Variants in NCALD observed in about 807,000 individuals in gnomAD.
NCALD encodes neurocalcin-delta.
Under a neutral mutation model 18.6 loss-of-function variants are expected in NCALD, and 10 were observed. That is an observed-to-expected ratio of 0.54 (90% confidence interval 0.33 to 0.91). The LOEUF (loss-of-function observed/expected upper bound fraction) is 0.91, where lower values mean the gene tolerates loss of function less well. NCALD is among the 40% of genes least tolerant of loss of function. The pLI, the probability that NCALD is intolerant of heterozygous loss-of-function variation, is 0.03. For synonymous variants in NCALD, 88 were observed against 87.4 expected, an observed-to-expected ratio of 1.01 and a Z score of -0.04; for missense variants, 184 against 247.6, an observed-to-expected ratio of 0.74 and a Z score of 1.72.
chr8:101,751,186 A>T (rs1224593468), intron 1 of NCALD, among the ~76,000 whole-genome samples: 1 of 152,232 alleles, frequency 6.6e-6, no homozygotes, highest in Admixed American at 6.5e-5. Context: ...GACACATGCT[A>T]CAACATGGGT....
At chr8:102,010,583 G>A (rs1480975289) in intron 2 of NCALD, among the ~76,000 whole-genome samples, 1 of 152,194 alleles carries the variant, frequency 6.6e-6, no homozygotes, top group Non-Finnish European at 1.5e-5. Flanking sequence ...GGATCAGAAA[G>A]AAGTTTAAGC....
At chr8:102,100,157 C>T (rs183692289) in intron 1 of NCALD, among the ~76,000 whole-genome samples, 29 of 152,164 alleles carry the variant, frequency 1.9e-4, no homozygotes, top group Middle Eastern at 3.4e-3. Context: ...TCATATTCCT[C>T]ATTTATCAAC....
chr8:101,751,116 T>C (rs369934708), intron 1 of NCALD, among the ~76,000 whole-genome samples: 13 of 152,248 alleles, frequency 8.5e-5, no homozygotes, highest in East Asian at 5.8e-4. Flanking sequence ...GATGAATGGA[T>C]AAACAAATGC....
chr8:102,026,712 C>T (rs1035127704), intron 1 of NCALD, among the ~76,000 whole-genome samples: 2 of 152,200 alleles, frequency 1.3e-5, no homozygotes, highest in Admixed American at 1.3e-4. Flanking sequence ...TCTCTTCTCA[C>T]AGCTCCACTA....
chr8:101,962,251 T>G (rs1489773661), intron 2 of NCALD, among the ~76,000 whole-genome samples: 1 of 152,192 alleles, frequency 6.6e-6, no homozygotes, highest in African/African-American at 2.4e-5. Flanking sequence ...GACAAAGCTG[T>G]GTCATGGCAC....
At chr8:101,770,736 C>T (rs1811550111) in intron 1 of NCALD, among the ~76,000 whole-genome samples, 1 of 152,106 alleles carries the variant, frequency 6.6e-6, no homozygotes, top group Non-Finnish European at 1.5e-5. Context: ...GTCAAGATTT[C>T]CCAAAAGTCA....
chr8:101,989,063 A>G (rs768513069), intron 2 of NCALD, among the ~76,000 whole-genome samples: 2 of 152,192 alleles, frequency 1.3e-5, no homozygotes, highest in Admixed American at 6.5e-5. Context: ...GAGAAACAAT[A>G]AAGATCAAAA....
rs141424710 is a variant in NCALD, at chr8:101,841,085, G to A, written c.-20+46056C>T. On this transcript the variant is annotated intron_variant, in intron 4 of 6. Transcript: ENST00000311028. Reference sequence around the variant, plus strand: ...TATTTATATGTCAGACTGCAGTCTTGGAGGATCTAAATAGGCATATTCAAA... The same window carrying A: ...TATTTATATGTCAGACTGCAGTCTTAGAGGATCTAAATAGGCATATTCAAA... 4.4e-3 allele frequency among the ~76,000 whole-genome samples: 664 copies of A among 152,236 alleles called. 7 individuals are homozygous for A. The highest frequency in any genetic ancestry group is 0.015 in the African/African-American group (631 of 41,548).
chr8:102,018,024 G>T (rs1822147697), intron 2 of NCALD, among the ~76,000 whole-genome samples: 1 of 152,150 alleles, frequency 6.6e-6, no homozygotes, highest in Admixed American at 6.5e-5. Context: ...GAAAATTAAA[G>T]CTACGATGAG....
At chr8:102,050,792 T>A (rs531256062) in intron 1 of NCALD, among the ~76,000 whole-genome samples, 4 of 145,680 alleles carry the variant, frequency 2.7e-5, no homozygotes, top group African/African-American at 4.9e-5. Context: ...AATTAACTAA[T>A]TTTTAATTTA....
chr8:102,003,847 C>T (rs1337736239), intron 2 of NCALD, among the ~76,000 whole-genome samples: 1 of 152,186 alleles, frequency 6.6e-6, no homozygotes, highest in Non-Finnish European at 1.5e-5. Context: ...GCTAAAACCT[C>T]TCAATAAATT....
chr8:101,919,521 C>T (rs895646463), intron 2 of NCALD, among the ~76,000 whole-genome samples: 1 of 151,816 alleles, frequency 6.6e-6, no homozygotes, highest in African/African-American at 2.4e-5. Context: ...AAAACAAAAA[C>T]TGACAAATAA....
intron 3 of NCALD, among the ~76,000 whole-genome samples, chr8:101,890,156 T>A (rs990983570): frequency 6.6e-6 from 1 of 152,116 alleles, no homozygotes; most frequent in Non-Finnish European, 1.5e-5. Context: ...AGAAATGTTA[T>A]ATATCAGTCA....
intron 4 of NCALD, among the ~76,000 whole-genome samples, chr8:101,834,301 G>T (rs1814315903): frequency 1.3e-5 from 2 of 152,226 alleles, no homozygotes; most frequent in South Asian, 4.1e-4. Flanking sequence ...GCTGGGGCTG[G>T]CCTCACCCAG....
chr8:101,994,514 A>G (rs1400276449), intron 2 of NCALD, among the ~76,000 whole-genome samples: 1 of 152,126 alleles, frequency 6.6e-6, no homozygotes, highest in Non-Finnish European at 1.5e-5. Flanking sequence ...CCACAGGTCA[A>G]CCCTTCTGTG....
chr8:101,733,333 G>C (rs1816927763), intron 1 of NCALD, among the ~76,000 whole-genome samples: 1 of 152,152 alleles, frequency 6.6e-6, no homozygotes, highest in South Asian at 2.1e-4. Context: ...AAGAGAATTG[G>C]ACTTGGTAGC....
At chr8:102,122,047 T>G (rs1391334683) in intron 1 of NCALD, among the ~76,000 whole-genome samples, 1 of 152,236 alleles carries the variant, frequency 6.6e-6, no homozygotes, top group Non-Finnish European at 1.5e-5. Flanking sequence ...ACATAGATAA[T>G]GTACATAGAA....
At chr8:101,959,319 G>T (rs1371739) in intron 2 of NCALD, among the ~76,000 whole-genome samples, 60,269 of 151,574 alleles carry the variant, frequency 0.4, 12,117 homozygotes, top group Admixed American at 0.48. Flanking sequence ...CAGAAGTGAT[G>T]CTGTGTCCTT....
chr8:101,694,662 A>AT (rs1814900874), intron 2 of NCALD, among the ~76,000 whole-genome samples: 1 of 152,036 alleles, frequency 6.6e-6, no homozygotes, highest in Non-Finnish European at 1.5e-5. Flanking sequence ...TTCCCAAGAA[A>AT]TGCTCACTGA....
Sources: gnomAD v4.1 joint callset for allele counts (sites outside exome capture counted in the v4.1 genomes callset) on GRCh38, gnomAD v4.1.1 for gene constraint, MANE v1.5 for transcripts, NCBI Gene and HGNC (gene_info 2026-07-23, HGNC 2026-07-21) for gene names.